Variants in COL19A1 observed in about 807,000 individuals in gnomAD.
COL19A1 encodes collagen alpha-1(XIX) chain.
In COL19A1, 159 loss-of-function variants were observed where a neutral mutation model predicts 190.2. That is an observed-to-expected ratio of 0.84 (90% CI 0.73 to 0.95). COL19A1 has a LOEUF of 0.95. Ranked by LOEUF, COL19A1 falls within the 40% of genes least tolerant of loss-of-function variation. The probability of loss-of-function intolerance (pLI) is 0.00; values close to 1 mark genes in which losing one functional copy is unlikely to be tolerated. For synonymous variants in COL19A1, 509 were observed against 458.9 expected, an observed-to-expected ratio of 1.11 and a Z score of -1.39; for missense variants, 1,418 against 1,431.9, an observed-to-expected ratio of 0.99 and a Z score of 0.16.
chr6:70,194,479 G>T (rs1282969614), intron 48 of COL19A1, among the ~76,000 whole-genome samples: 3 of 152,150 alleles, frequency 2.0e-5, no homozygotes, highest in African/African-American at 7.2e-5. Context: ...GTTCCAGATT[G>T]ATCACTATGC....
chr6:69,938,898 T>A (rs3805962), intron 9 of COL19A1, among the ~76,000 whole-genome samples: 12,868 of 152,198 alleles, frequency 0.085, 646 homozygotes, highest in East Asian at 0.2. Flanking sequence ...AAGTTGATTC[T>A]GTTTTTATTA....
chr6:70,034,098 A>G, intron 12 of COL19A1, 147 bp from the exon 13 acceptor site: 1 of 627,328 alleles, frequency 1.6e-6, no homozygotes, highest in Non-Finnish European at 2.9e-6. Flanking sequence ...TTATCATTTT[A>G]GTGCCAGTTG....
chr6:70,030,629 A>G (rs540575555), intron 12 of COL19A1, among the ~76,000 whole-genome samples: 53 of 152,302 alleles, frequency 3.5e-4, no homozygotes, highest in African/African-American at 1.3e-3. Flanking sequence ...CAAGGTTTTT[A>G]TCAGTCATTT....
intron 49 of COL19A1, among the ~76,000 whole-genome samples, chr6:70,201,542 G>T (rs1480130354): frequency 6.6e-6 from 1 of 152,152 alleles, no homozygotes; most frequent in African/African-American, 2.4e-5. Flanking sequence ...ATGATTTCCA[G>T]TTTTTTTGTG....
intron 9 of COL19A1, among the ~76,000 whole-genome samples, chr6:69,954,272 C>T (rs1176225597): frequency 1.3e-5 from 2 of 151,990 alleles, no homozygotes; most frequent in African/African-American, 2.4e-5. Context: ...TCTATACACC[C>T]TGCTAAAATG....
intron 14 of COL19A1, among the ~76,000 whole-genome samples, chr6:70,042,785 G>C (rs2150124880): frequency 6.6e-6 from 1 of 152,162 alleles, no homozygotes; most frequent in South Asian, 2.1e-4. Flanking sequence ...AATCTTCCTT[G>C]TCATTTCAAC....
At chr6:69,874,773 G>A (rs2248317) in intron 1 of COL19A1, among the ~76,000 whole-genome samples, 70,764 of 151,796 alleles carry the variant, frequency 0.47, 16,855 homozygotes, top group Middle Eastern at 0.56. Flanking sequence ...AAAAAAAGAA[G>A]TGTGCAAAGA....
At chr6:69,962,899 G>T in intron 11 of COL19A1, 29 bp downstream of exon 11, 1 of 1,560,042 alleles carries the variant, frequency 6.4e-7, no homozygotes, top group Non-Finnish European at 8.8e-7. Context: ...ATTCACATCT[G>T]TAAAAAGAAA....
intron 12 of COL19A1, among the ~76,000 whole-genome samples, chr6:70,030,982 T>G (rs1779032552): frequency 6.6e-6 from 1 of 152,220 alleles, no homozygotes; most frequent in South Asian, 2.1e-4. Flanking sequence ...CAAAGTGGTT[T>G]GTGGGGATTT....
At chr6:70,044,380 G>T (rs908802027) in intron 14 of COL19A1, among the ~76,000 whole-genome samples, 3 of 152,136 alleles carry the variant, frequency 2.0e-5, no homozygotes, top group Non-Finnish European at 4.4e-5. Context: ...TCACAAGTTG[G>T]TTGTTTGTCT....
intron 3 of COL19A1, among the ~76,000 whole-genome samples, chr6:69,899,812 T>C (rs973605693): frequency 1.3e-5 from 2 of 152,232 alleles, no homozygotes; most frequent in Non-Finnish European, 2.9e-5. Context: ...TTCATGTGTA[T>C]GCATTTCCTG....
chr6:70,001,110 A>G (rs1256720336), intron 11 of COL19A1, among the ~76,000 whole-genome samples: 1 of 152,158 alleles, frequency 6.6e-6, no homozygotes, highest in African/African-American at 2.4e-5. Flanking sequence ...TCCCAGCATC[A>G]TTTATTGAAT....
chr6:69,881,486 T>C (rs1768552636), intron 2 of COL19A1, among the ~76,000 whole-genome samples: 1 of 152,232 alleles, frequency 6.6e-6, no homozygotes, highest in Admixed American at 6.5e-5. Context: ...TAGAACGTAA[T>C]CATCTTGCAT....
chr6:70,209,048 G>A lies in COL19A1; in HGVS notation c.*1774G>A, dbSNP rs79130291. 5,928 of 140,924 alleles carry A rather than the reference G, an allele frequency of 0.042. 155 individuals are homozygous for A. The highest frequency in any genetic ancestry group is 0.063 in the Non-Finnish European group (4,061 of 64,310). The allele number at this position is 140,924 out of a possible 1,614,324, so 8.7% of individuals were successfully genotyped here. ...TTTTGACATTGATTTTTTTTTTTTC[G>A]TTTTCTTTCTTGTGCAATACCTACA... On this transcript the variant is annotated 3_prime_UTR_variant, in exon 51 of 51. Coordinates refer to ENST00000620364, the MANE Select transcript of COL19A1 (RefSeq NM_001858.6).
chr6:70,135,162 C>T (rs1000278573), intron 18 of COL19A1, among the ~76,000 whole-genome samples: 1 of 152,148 alleles, frequency 6.6e-6, no homozygotes, highest in African/African-American at 2.4e-5. Flanking sequence ...GGAAGGGGTG[C>T]CAAGGTTCCA....
chr6:70,207,457 T>C lies in COL19A1; in HGVS notation c.*183T>C, dbSNP rs1767963180. The C allele has an allele frequency of 2.1e-6, 1 of 477,796 alleles. No individual in the cohort carries two copies. The highest frequency in any genetic ancestry group is 3.4e-6 in the Non-Finnish European group (1 of 298,456). 29.6% of individuals were successfully genotyped at this position (477,796 alleles called of 1,614,324 possible). ...TATAGCAATTGCAAATCAGCATTTT[T>C]TGATTTTTCCCAAATTCATTCCATA... On this transcript the variant is annotated 3_prime_UTR_variant, in exon 51 of 51. Coordinates refer to ENST00000620364, the MANE Select transcript of COL19A1 (RefSeq NM_001858.6).
At chr6:70,003,006 T>C (rs1777367545) in intron 11 of COL19A1, among the ~76,000 whole-genome samples, 1 of 152,182 alleles carries the variant, frequency 6.6e-6, no homozygotes, top group African/African-American at 2.4e-5. Flanking sequence ...TCTAGCTGTC[T>C]TATGTGAGCA....
intron 9 of COL19A1, among the ~76,000 whole-genome samples, chr6:69,941,380 C>T (rs1342762824): frequency 6.6e-6 from 1 of 152,098 alleles, no homozygotes; most frequent in Non-Finnish European, 1.5e-5. Flanking sequence ...CTTTCTTATC[C>T]ACCATATAAT....
At chr6:70,055,625 T>C (rs1413353636) in intron 14 of COL19A1, among the ~76,000 whole-genome samples, 2 of 151,524 alleles carry the variant, frequency 1.3e-5, no homozygotes, top group African/African-American at 4.8e-5. Context: ...CTACTAAAAA[T>C]ACAAAAATCA....
Sources: allele counts gnomAD v4.1 joint callset (sites outside exome capture counted in the v4.1 genomes callset), GRCh38; gene constraint gnomAD v4.1.1; transcripts MANE v1.5; gene names NCBI Gene and HGNC (gene_info 2026-07-23, HGNC 2026-07-21).